CNOT9: variants seen among roughly 807,000 people sequenced by gnomAD.
CNOT9 encodes the protein RCD1 required for cell differentiation1 homolog.
In CNOT9, 8 loss-of-function variants were observed where a neutral mutation model predicts 37.4. That is an observed-to-expected ratio of 0.21 (90% CI 0.13 to 0.39). The LOEUF (loss-of-function observed/expected upper bound fraction) is 0.39. CNOT9 is among the 10% of genes least tolerant of loss of function. CNOT9 has a pLI of 1.00. For missense variants in CNOT9, 154 were observed against 365.3 expected (o/e 0.42, Z 4.71); for synonymous variants, 120 against 137.6 (o/e 0.87, Z 0.90).
chr2:218,580,457 C>T, intron 1 of CNOT9, 104 bp from the exon 2 acceptor site: 1 of 930,468 alleles, frequency 1.1e-6, no homozygotes, highest in Non-Finnish European at 1.6e-6. Context: ...AGAAACGCTC[C>T]CCTGGTATTC....
At chr2:218,583,472 T>C (rs1028459155) in intron 3 of CNOT9, among the ~76,000 whole-genome samples, 1 of 152,138 alleles carries the variant, frequency 6.6e-6, no homozygotes, top group Non-Finnish European at 1.5e-5. Context: ...TCCAGCACTT[T>C]TCCCACACTG....
At chr2:218,589,492 A>G (rs1694704756) in intron 5 of CNOT9, among the ~76,000 whole-genome samples, 1 of 151,872 alleles carries the variant, frequency 6.6e-6, no homozygotes, top group Admixed American at 6.6e-5. Context: ...GCTCCACCAC[A>G]CTCAGCTAAT....
At chr2:218,593,730 TTGA>T (rs1694851868) in intron 7 of CNOT9, 2 of 1,218,366 alleles carry the variant, frequency 1.6e-6, no homozygotes, top group Non-Finnish European at 2.1e-6. Context: ...TATCATAAGT[TTGA>T]TGATATCCTT....
chr2:218,593,380 A>G lies in CNOT9; in HGVS notation c.731+673A>G, dbSNP rs910120079. 228 of 474,390 alleles carry G rather than the reference A, an allele frequency of 4.8e-4. 1 individual carries two copies. The highest frequency in any genetic ancestry group is 5.8e-4 in the Middle Eastern group (1 of 1,732). 29.4% of individuals were successfully genotyped at this position (474,390 alleles called of 1,614,324 possible). A position where few individuals can be genotyped will look rare whatever the true frequency, so the allele number is the denominator to read the frequency against. On this transcript the variant is annotated intron_variant, in intron 7 of 7. Coordinates refer to ENST00000273064, the MANE Select transcript of CNOT9 (RefSeq NM_005444.3). Reference sequence around the variant, plus strand: ...GCCCTACCTGTTTGTTGACCATTTTATCCTGTTCTTCAGTGGTTCTTGTTT... The same window carrying G: ...GCCCTACCTGTTTGTTGACCATTTTGTCCTGTTCTTCAGTGGTTCTTGTTT...
chr2:218,592,731 G>A lies in CNOT9; in HGVS notation c.731+24G>A. 6.4e-7 allele frequency: 1 copy of A among 1,573,794 alleles called. No homozygotes were observed. On this transcript the variant is annotated intron_variant, in intron 7 of 7. Coordinates refer to ENST00000273064, the MANE Select transcript of CNOT9 (RefSeq NM_005444.3). The surrounding 1 kb of genome is among the most constrained non-coding windows in gnomAD (Gnocchi z 4.1). ...AGGTAAACATTTATAGGATGTATAGGACTTTAGGGAAATACTCTGCTGAAC... is the reference window on the plus strand; with the variant it reads ...AGGTAAACATTTATAGGATGTATAGAACTTTAGGGAAATACTCTGCTGAAC...
intron 4 of CNOT9, among the ~76,000 whole-genome samples, chr2:218,585,262 C>T (rs889651193): frequency 2.0e-5 from 3 of 152,046 alleles, no homozygotes; most frequent in Admixed American, 1.3e-4. Flanking sequence ...CGGAATGCTT[C>T]GTATATCTGA....
chr2:218,579,025 T>C (rs1380127249), intron 1 of CNOT9, among the ~76,000 whole-genome samples: 1 of 152,176 alleles, frequency 6.6e-6, no homozygotes, highest in Non-Finnish European at 1.5e-5. Flanking sequence ...AGGGAGAGCT[T>C]TTCCAAATTA....
intron 5 of CNOT9, among the ~76,000 whole-genome samples, chr2:218,590,631 G>C (rs1694741667): frequency 6.6e-6 from 1 of 152,200 alleles, no homozygotes; most frequent in Admixed American, 6.5e-5. Context: ...GGAGGATATA[G>C]AGGAGAGTCT....
intron 7 of CNOT9, 180 bp from the exon 8 acceptor site, chr2:218,593,928 G>A (rs1178395906): frequency 1.1e-5 from 11 of 972,204 alleles, no homozygotes; most frequent in Admixed American, 3.4e-5. Flanking sequence ...TGTGGATACA[G>A]ATTTTGGAGA....
At chr2:218,572,928 A>G (rs1276883675) in intron 1 of CNOT9, among the ~76,000 whole-genome samples, 3 of 152,204 alleles carry the variant, frequency 2.0e-5, no homozygotes, top group Admixed American at 1.3e-4. Context: ...AAAGGATTTA[A>G]TTCACTTTCT....
chr2:218,576,854 C>G (rs921347727), intron 1 of CNOT9, among the ~76,000 whole-genome samples: 1 of 151,956 alleles, frequency 6.6e-6, no homozygotes, highest in Non-Finnish European at 1.5e-5. Context: ...GTAGTCCCAG[C>G]TACCGGGGAG....
chr2:218,591,261 G>T (rs905366089), intron 5 of CNOT9, among the ~76,000 whole-genome samples: 1 of 152,026 alleles, frequency 6.6e-6, no homozygotes, highest in African/African-American at 2.4e-5. Flanking sequence ...TATCATTATC[G>T]TGATTGTCTA....
In CNOT9 at chr2:218,594,416, C is replaced by T. The variant is rs780505904; in HGVS notation, c.*140C>T. ...CGCACTGGAGAAAAGGGGCAAGGTA[C>T]CCCTGCTGAGGTGTATGGGCTGCCA... On this transcript the variant is annotated 3_prime_UTR_variant, in exon 8 of 8. Coordinates refer to ENST00000273064, the MANE Select transcript of CNOT9 (RefSeq NM_005444.3). 16 of 978,906 alleles carry T rather than the reference C, an allele frequency of 1.6e-5. No homozygotes were observed. Among genetic ancestry groups the T allele is most frequent in the Non-Finnish European group, 2.4e-5 (16 of 673,834 alleles). The allele number at this position is 978,906 out of a possible 1,614,324, so 60.6% of individuals were successfully genotyped here.
intron 4 of CNOT9, 47 bp downstream of exon 4, chr2:218,584,768 A>G (rs1694533240): frequency 1.5e-6 from 2 of 1,321,352 alleles, no homozygotes; most frequent in Non-Finnish European, 2.2e-6. Flanking sequence ...TCACAGTAGT[A>G]GTCTAAGTTG....
At position 218,586,053 on chromosome 2, in the gene CNOT9, A is replaced by G. The variant is rs984454828; in HGVS notation, c.430+1332A>G. 2.6e-5 allele frequency among the ~76,000 whole-genome samples: 4 copies of G among 152,206 alleles called. No individual in the cohort carries two copies. The East Asian group carries it at 7.7e-4, about 29-fold the overall frequency. On this transcript the variant is annotated intron_variant, in intron 4 of 7. Transcript: ENST00000273064. Reference sequence around the variant, plus strand: ...CTAAAAACTACAAAACTGATTTCTAATGAAATAAAATGCAGAGATAAACCA... The same window carrying G: ...CTAAAAACTACAAAACTGATTTCTAGTGAAATAAAATGCAGAGATAAACCA...
Position 218,592,913 on chromosome 2 carries a change from C to A in CNOT9, c.731+206C>A. 1.8e-6 allele frequency: 1 copy of A among 569,166 alleles called. No homozygotes were observed. Among genetic ancestry groups the A allele is most frequent in the South Asian group, 2.1e-5 (1 of 48,422 alleles). 35.3% of individuals were successfully genotyped at this position (569,166 alleles called of 1,614,324 possible). On this transcript the variant is annotated intron_variant, in intron 7 of 7. Coordinates refer to ENST00000273064, the MANE Select transcript of CNOT9 (RefSeq NM_005444.3). The surrounding 1 kb of genome is among the most constrained non-coding windows in gnomAD (Gnocchi z 4.1). ...AGTTTCATCTTCTCACTGTAACTCT[C>A]CATCCTACTGTGAAATTCCAGAGAG...
At chr2:218,586,983 C>T (rs1694615978) in intron 4 of CNOT9, among the ~76,000 whole-genome samples, 1 of 152,078 alleles carries the variant, frequency 6.6e-6, no homozygotes. Flanking sequence ...ACCTGAGTTC[C>T]ACACCTACTG....
chr2:218,592,819 C>CA lies in CNOT9; in HGVS notation c.731+113dup. 1 of 808,450 alleles carries CA rather than the reference C, an allele frequency of 1.2e-6. No homozygotes were observed. The allele number at this position is 808,450 out of a possible 1,614,324, so 50.1% of individuals were successfully genotyped here. On this transcript the variant is annotated intron_variant, in intron 7 of 7. Transcript: ENST00000273064. The surrounding 1 kb of genome is among the most constrained non-coding windows in gnomAD (Gnocchi z 4.1). ...GGACAGGGAAGTGGGGATATAACTGCATTTAGTTTGTCTGAGACAGAACTT... is the reference window on the plus strand; with the variant it reads ...GGACAGGGAAGTGGGGATATAACTGCAATTTAGTTTGTCTGAGACAGAACTT...
chr2:218,586,634 G>A (rs1251914666), intron 4 of CNOT9, among the ~76,000 whole-genome samples: 1 of 151,962 alleles, frequency 6.6e-6, no homozygotes, highest in Non-Finnish European at 1.5e-5. Context: ...GACTACAGGT[G>A]CGTGCCACCA....
Sources: allele counts gnomAD v4.1 joint callset (sites outside exome capture counted in the v4.1 genomes callset), GRCh38; gene constraint gnomAD v4.1.1; non-coding constraint Gnocchi (gnomAD v3.1); transcripts MANE v1.5; gene names NCBI Gene and HGNC (gene_info 2026-07-23, HGNC 2026-07-21).